Variants in PPIH observed in about 807,000 individuals in gnomAD.
PPIH encodes the protein peptidylprolyl isomerase H, also known as peptidyl-prolyl cis-trans isomerase H.
PPIH carries 16 observed loss-of-function variants against 27.6 expected under a neutral mutation model. The observed-to-expected ratio is 0.58, with a 90% CI of 0.39 to 0.88. PPIH has a LOEUF of 0.88. PPIH is among the 40% of genes least tolerant of loss of function. The probability of loss-of-function intolerance (pLI) is 0.00; values close to 1 mark genes in which losing one functional copy is unlikely to be tolerated. For missense variants in PPIH, 155 were observed against 224.1 expected, an observed-to-expected ratio of 0.69 and a Z score of 1.97; for synonymous variants, 63 against 76.1, an observed-to-expected ratio of 0.83 and a Z score of 0.90.
downstream of PPIH, chr1:42,681,107 A>T (rs41269505): frequency 3.9e-5 from 6 of 152,088 alleles, no homozygotes; most frequent in Non-Finnish European, 7.3e-5. Context: ...CCCCTCTGCA[A>T]CCCATTCTCC....
At chr1:42,674,825 A>G (rs1350297099) in intron 9 of PPIH, among the ~76,000 whole-genome samples, 1 of 152,172 alleles carries the variant, frequency 6.6e-6, no homozygotes, top group Non-Finnish European at 1.5e-5. Flanking sequence ...GTGACACTGT[A>G]TGTTCCCTGT....
downstream of PPIH, among the ~76,000 whole-genome samples, chr1:42,679,973 C>T (rs964565856): frequency 1.3e-5 from 2 of 152,180 alleles, no homozygotes; most frequent in Non-Finnish European, 2.9e-5. Context: ...GCTCATTTAA[C>T]GAATCTTTTA....
intron 5 of PPIH, among the ~76,000 whole-genome samples, chr1:42,661,430 ACTGAGAGAGCC>A (rs1649010152): frequency 1.3e-5 from 2 of 152,220 alleles, no homozygotes; most frequent in African/African-American, 4.8e-5. Context: ...TGCTCTATTC[ACTGAGAGAGCC>A]CAGTGAAATA....
chr1:42,659,482 T>C (rs555265733), intron 3 of PPIH, 40 bp from the exon 4 acceptor site: 5 of 1,614,242 alleles, frequency 3.1e-6, no homozygotes, highest in African/African-American at 1.3e-5. Context: ...GGCCTTGTGC[T>C]ACCTGCTGTC....
chr1:42,659,351 G>C, intron 3 of PPIH, 100 bp downstream of exon 3: 2 of 1,614,186 alleles, frequency 1.2e-6, no homozygotes, highest in Non-Finnish European at 1.7e-6. Context: ...TTGAATGATT[G>C]CTGGTGACAG....
At chr1:42,658,595 G>C in intron 1 of PPIH, 83 bp downstream of exon 1, 7 of 1,459,664 alleles carry the variant, frequency 4.8e-6, no homozygotes, top group South Asian at 1.2e-5. Context: ...AGAGAGAGCG[G>C]ACTCGGGAAG....
chr1:42,670,889 G>A (rs1425055595), intron 9 of PPIH, among the ~76,000 whole-genome samples: 6 of 152,152 alleles, frequency 3.9e-5, no homozygotes, highest in South Asian at 4.2e-4. Context: ...TCTACCTCCC[G>A]GGTTCAAGCA....
At chr1:42,660,719 C>A in intron 4 of PPIH, 143 bp from the exon 5 acceptor site, 1 of 694,772 alleles carries the variant, frequency 1.4e-6, no homozygotes, top group Non-Finnish European at 2.3e-6. Flanking sequence ...CGTGAGCTAC[C>A]GCACCCAGCT....
In PPIH at chr1:42,664,877, A is replaced by C. The variant is rs768479949; in HGVS notation, c.258A>C (p.Gly86=). ...GGDFVNGDGT[G]VASIYRGPFA... is the part of the protein sequence containing the mutation. ...TCTCTGCTCAGGGAGATGGTACTGG[A>C]GTCGCCAGTATTTACCGGGGGCCAT... The change falls in exon 6 of 10, where the codon GGA becomes GGC. Residue 86 remains glycine (G), a synonymous_variant. Coordinates refer to ENST00000304979, the MANE Select transcript of PPIH (RefSeq NM_006347.4). The C allele has an allele frequency of 6.2e-7, 1 of 1,613,142 alleles. No individual in the cohort carries two copies. Among genetic ancestry groups the C allele is most frequent in the South Asian group, 1.1e-5 (1 of 90,878 alleles).
intron 5 of PPIH, among the ~76,000 whole-genome samples, chr1:42,661,863 T>C (rs964348943): frequency 6.6e-6 from 1 of 152,268 alleles, no homozygotes; most frequent in African/African-American, 2.4e-5. Context: ...TTTTTTTCTC[T>C]TTAAAAAATG....
downstream of PPIH, among the ~76,000 whole-genome samples, chr1:42,678,010 GTGT>G (rs1319416274): frequency 2.0e-5 from 3 of 152,208 alleles, no homozygotes; most frequent in Non-Finnish European, 4.4e-5. Flanking sequence ...TTGGTTAAAA[GTGT>G]TGTTTCAGTG....
chr1:42,676,626 G>A lies in PPIH; in HGVS notation c.*64G>A, dbSNP rs1649899072. Reference sequence around the variant, plus strand: ...GTGGTGTTCTTGAGTAAGATAATCTGGACTGGCCCCCGTCTTTGCTTCCCT... The same window carrying A: ...GTGGTGTTCTTGAGTAAGATAATCTAGACTGGCCCCCGTCTTTGCTTCCCT... On this transcript the variant is annotated 3_prime_UTR_variant, in exon 10 of 10. Coordinates refer to ENST00000304979, the MANE Select transcript of PPIH (RefSeq NM_006347.4). 1 of 151,816 alleles carries A rather than the reference G, an allele frequency of 6.6e-6. No homozygotes were observed. The highest frequency in any genetic ancestry group is 6.6e-5 in the Admixed American group (1 of 15,216). The allele number at this position is 151,816 out of a possible 1,614,324, so 9.4% of individuals were successfully genotyped here.
Position 42,669,194 on chromosome 1 carries a change from CAA to C in PPIH, c.*21+1769_*21+1770del, listed in dbSNP as rs11297325. Among the ~76,000 whole-genome samples, 274 of 131,474 alleles carry C rather than the reference CAA, an allele frequency of 2.1e-3. 1 individual carries two copies. Among genetic ancestry groups the C allele is most frequent in the Middle Eastern group, 0.012 (3 of 258 alleles). The allele number at this position is 131,474 out of a possible 152,430, so 86.3% of individuals were successfully genotyped here. ...CACTGTACTCCAGCCTGGATGACAT[CAA>C]AAAAAAAAAAAAAAGGAAAAGAAAA... On this transcript the variant is annotated intron_variant, in intron 9 of 9. Coordinates refer to ENST00000304979, the MANE Select transcript of PPIH (RefSeq NM_006347.4).
At chr1:42,665,589 C>T (rs1435427860) in intron 6 of PPIH, among the ~76,000 whole-genome samples, 3 of 152,104 alleles carry the variant, frequency 2.0e-5, no homozygotes, top group African/African-American at 4.8e-5. Flanking sequence ...CCTGTAATCC[C>T]AGCACTTTGG....
At chr1:42,665,869 T>G (rs937600119) in intron 6 of PPIH, 111 bp from the exon 7 acceptor site, 2 of 874,096 alleles carry the variant, frequency 2.3e-6, no homozygotes, top group Non-Finnish European at 3.8e-6. Flanking sequence ...CTAAGTTAGA[T>G]TTACTGAAAA....
At chr1:42,674,299 TC>T (rs1390401243) in intron 9 of PPIH, among the ~76,000 whole-genome samples, 5 of 152,158 alleles carry the variant, frequency 3.3e-5, no homozygotes, top group Admixed American at 1.3e-4. Flanking sequence ...GGCAGGGCAT[TC>T]CAGGCAGAGG....
At chr1:42,674,255 A>G (rs941824252) in intron 9 of PPIH, among the ~76,000 whole-genome samples, 4 of 152,270 alleles carry the variant, frequency 2.6e-5, no homozygotes, top group African/African-American at 9.6e-5. Flanking sequence ...GTTTAGTACA[A>G]GAAAGAATAT....
intron 9 of PPIH, among the ~76,000 whole-genome samples, chr1:42,675,033 G>A (rs774019139): frequency 6.6e-6 from 1 of 152,196 alleles, no homozygotes; most frequent in Non-Finnish European, 1.5e-5. Context: ...GTGTTGGCAA[G>A]ATTTCTAAGG....
At chr1:42,666,397 T>C in intron 7 of PPIH, 150 bp from the exon 8 acceptor site, 1 of 755,084 alleles carries the variant, frequency 1.3e-6, no homozygotes, top group Non-Finnish European at 2.2e-6. Flanking sequence ...TTATTACCTA[T>C]GACCTTGAGC....
Sources: gnomAD v4.1 joint callset for allele counts (sites outside exome capture counted in the v4.1 genomes callset) on GRCh38, gnomAD v4.1.1 for gene constraint, MANE v1.5 for transcripts, NCBI Gene and HGNC (gene_info 2026-07-23, HGNC 2026-07-21) for gene names.